EDEM3: variants seen among roughly 807,000 people sequenced by gnomAD.
The protein encoded by EDEM3 is ER degradation enhancing alpha-mannosidase like protein 3, also known as ER degradation-enhancing alpha-mannosidase-like protein 3.
In EDEM3, 60 loss-of-function variants were observed where a neutral mutation model predicts 110.2. The observed-to-expected ratio is 0.54, with a 90% CI of 0.44 to 0.67. The LOEUF (loss-of-function observed/expected upper bound fraction) is 0.67, where lower values mean the gene tolerates loss of function less well. Ranked by LOEUF, EDEM3 falls within the 30% of genes least tolerant of loss-of-function variation. EDEM3 has a pLI of 0.00. For synonymous variants in EDEM3, 352 were observed against 382.9 expected, an observed-to-expected ratio of 0.92 and a Z score of 0.94; for missense variants, 996 against 1,121.0, an observed-to-expected ratio of 0.89 and a Z score of 1.59.
At chr1:184,711,624 G>T in intron 15 of EDEM3, 99 bp downstream of exon 15, 1 of 1,126,388 alleles carries the variant, frequency 8.9e-7, no homozygotes, top group Non-Finnish European at 1.2e-6. Flanking sequence ...TTCGGCCTAT[G>T]TGAATGTCTT....
intron 2 of EDEM3, among the ~76,000 whole-genome samples, chr1:184,743,474 A>AAAAATAAAAT (rs148680939): frequency 1.3e-5 from 2 of 152,054 alleles, no homozygotes; most frequent in East Asian, 3.8e-4. Context: ...CTGAAAGAGC[A>AAAAATAAAAT]AAAATAAAAT....
intron 2 of EDEM3, among the ~76,000 whole-genome samples, chr1:184,741,933 A>C (rs1652165747): frequency 6.6e-6 from 1 of 152,172 alleles, no homozygotes; most frequent in Non-Finnish European, 1.5e-5. Flanking sequence ...AAAGTTTCTA[A>C]GACTAGAGTG....
At chr1:184,738,290 G>A (rs906436046) in intron 2 of EDEM3, among the ~76,000 whole-genome samples, 1 of 152,004 alleles carries the variant, frequency 6.6e-6, no homozygotes, top group African/African-American at 2.4e-5. Context: ...TCTAATTCAT[G>A]GATGAAAAAA....
In EDEM3 at chr1:184,694,032, T is replaced by A. The variant is rs376810714; in HGVS notation, c.*31A>T. On this transcript the variant is annotated 3_prime_UTR_variant, in exon 20 of 20. Coordinates refer to ENST00000318130, the MANE Select transcript of EDEM3 (RefSeq NM_025191.4). Reference sequence around the variant, plus strand: ...ACCACACACAGTTTACCTTTTCTTTTTAAATACCTACCAACAGATTGTTTA... The same window carrying A: ...ACCACACACAGTTTACCTTTTCTTTATAAATACCTACCAACAGATTGTTTA... The A allele has an allele frequency of 5.0e-6, 8 of 1,585,682 alleles. No homozygotes were observed. In the African/African-American group the frequency reaches 1.1e-4, roughly 22 times the overall value.
Position 184,712,520 on chromosome 1 carries a change from G to A in EDEM3, c.1449C>T (p.Asp483=), listed in dbSNP as rs142977160. 4.4e-6 allele frequency: 7 copies of A among 1,602,438 alleles called. No individual in the cohort carries two copies. In the African/African-American group the frequency reaches 8.1e-5, roughly 18 times the overall value. The change falls in exon 14 of 20, where the codon GAC becomes GAT. Residue 483 remains aspartate (D), a synonymous_variant. Coordinates refer to ENST00000318130, the MANE Select transcript of EDEM3 (RefSeq NM_025191.4). ...CTGTTGTAAAGATGTAATCTTCTATGTCAAAAATAATGTCTTCTTTATCAG... is the reference window on the plus strand; with the variant it reads ...CTGTTGTAAAGATGTAATCTTCTATATCAAAAATAATGTCTTCTTTATCAG... ...LFADKEDIIF[D]IEDYIFTTEA...
At chr1:184,745,236 G>A (rs762392173) in intron 2 of EDEM3, among the ~76,000 whole-genome samples, 3 of 152,068 alleles carry the variant, frequency 2.0e-5, no homozygotes, top group Non-Finnish European at 2.9e-5. Flanking sequence ...AGAATTTCTT[G>A]TGTAATTTTG....
intron 8 of EDEM3, among the ~76,000 whole-genome samples, chr1:184,722,697 T>C (rs1193916548): frequency 6.6e-6 from 1 of 151,830 alleles, no homozygotes; most frequent in East Asian, 1.9e-4. Context: ...ATAATTTTAA[T>C]ATGTTTGAAT....
At chr1:184,733,745 T>C (rs906544120) in intron 5 of EDEM3, among the ~76,000 whole-genome samples, 1 of 151,790 alleles carries the variant, frequency 6.6e-6, no homozygotes, top group African/African-American at 2.4e-5. Context: ...GGAGAATCAC[T>C]TGAACCAGGG....
chr1:184,711,275 T>C (rs1650215335), intron 15 of EDEM3, among the ~76,000 whole-genome samples: 1 of 152,094 alleles, frequency 6.6e-6, no homozygotes, highest in South Asian at 2.1e-4. Context: ...ATTTTTTGTA[T>C]TTTTAGTACA....
intron 19 of EDEM3, among the ~76,000 whole-genome samples, chr1:184,698,141 T>C (rs1210255055): frequency 2.6e-5 from 4 of 151,654 alleles, no homozygotes; most frequent in Non-Finnish European, 4.4e-5. Context: ...CTGACTAAAA[T>C]AGGAAGAAAC....
In EDEM3 at chr1:184,705,138, G is replaced by GA. The variant is rs551924270; in HGVS notation, c.2203+1504dup. On this transcript the variant is annotated intron_variant, in intron 18 of 19. Coordinates refer to ENST00000318130, the MANE Select transcript of EDEM3 (RefSeq NM_025191.4). ...AAGATCATGAGAATTAGACTTCACT[G>GA]AAAAATATAAAAAACCAAAATACTA... 5.9e-3 allele frequency among the ~76,000 whole-genome samples: 893 copies of GA among 152,094 alleles called. 4 individuals carry two copies. Among genetic ancestry groups the GA allele is most frequent in the Non-Finnish European group, 7.9e-3 (537 of 67,966 alleles).
chr1:184,728,912 T>A (rs1651343231), intron 6 of EDEM3, among the ~76,000 whole-genome samples: 1 of 152,182 alleles, frequency 6.6e-6, no homozygotes, highest in Admixed American at 6.5e-5. Flanking sequence ...CCAGCCAGTA[T>A]TAAAGAACTT....
intron 1 of EDEM3, among the ~76,000 whole-genome samples, chr1:184,752,075 C>T (rs915978326): frequency 2.4e-4 from 37 of 152,214 alleles, no homozygotes; most frequent in African/African-American, 8.7e-4. Flanking sequence ...TCTAAAGTTA[C>T]GTCTCCTGCC....
chr1:184,708,899 T>G (rs1650077988), intron 16 of EDEM3, among the ~76,000 whole-genome samples: 1 of 152,194 alleles, frequency 6.6e-6, no homozygotes, highest in African/African-American at 2.4e-5. Flanking sequence ...GAGGGAACAA[T>G]TGATTCTGCT....
At position 184,711,761 on chromosome 1, in the gene EDEM3, A is replaced by G; in HGVS notation, c.1653T>C (p.Asn551=). The G allele has an allele frequency of 6.2e-7, 1 of 1,613,062 alleles. No homozygotes were observed. The highest frequency in any genetic ancestry group is 8.5e-7 in the Non-Finnish European group (1 of 1,179,478). The stretch of plus-strand genomic sequence containing the variant: ...CTCTAGGACAGCTCTTATCCACCAC[A>G]TTTTTCAAGGGCTCACGAATACTTT... The part of the protein sequence containing the change: ...YAQSIREPLK[N]VVDKSCPRGI... Residue 551 remains asparagine, a synonymous_variant, in exon 15 of 20, where the codon AAT becomes AAC. Transcript: ENST00000318130.
At position 184,711,822 on chromosome 1, in the gene EDEM3, G is replaced by A; in HGVS notation, c.1592C>T (p.Thr531Ile). Reference protein sequence around the residue: ...DSNFDWTCPNTQILFPNDPLY... With the variant: ...DSNFDWTCPNIQILFPNDPLY... Reference sequence around the variant, plus strand: ...TGGGTCATTAGGAAAGAGGATCTGAGTATTTGGACAAGTCCAATCGAAGTT... The same window carrying A: ...TGGGTCATTAGGAAAGAGGATCTGAATATTTGGACAAGTCCAATCGAAGTT... The change falls in exon 15 of 20, where the codon ACT (threonine) becomes ATT (isoleucine). Residue 531 changes from threonine (T) to isoleucine (I), a missense_variant. Coordinates refer to ENST00000318130, the MANE Select transcript of EDEM3 (RefSeq NM_025191.4). The A allele has an allele frequency of 6.2e-7, 1 of 1,613,432 alleles. No homozygotes were observed.
intron 7 of EDEM3, among the ~76,000 whole-genome samples, chr1:184,725,023 C>T (rs76468548): frequency 0.037 from 5,649 of 152,216 alleles, 248 homozygotes; most frequent in Admixed American, 0.13. Context: ...TAAAAACAAA[C>T]AATTGAGCAT....
intron 2 of EDEM3, among the ~76,000 whole-genome samples, chr1:184,748,996 A>C (rs1259462504): frequency 6.6e-6 from 1 of 152,236 alleles, no homozygotes; most frequent in African/African-American, 2.4e-5. Flanking sequence ...GTTGCACAAC[A>C]GATCTCCAGA....
At position 184,701,490 on chromosome 1, in the gene EDEM3, T is replaced by C. The variant is rs1001050500; in HGVS notation, c.2389+1321A>G. 7 of 1,274,522 alleles carry C rather than the reference T, an allele frequency of 5.5e-6. No individual in the cohort carries two copies. The African/African-American group carries it at 6.1e-5, about 11-fold the overall frequency. 79.0% of individuals were successfully genotyped at this position (1,274,522 alleles called of 1,614,324 possible). On this transcript the variant is annotated intron_variant, in intron 19 of 19. Coordinates refer to ENST00000318130, the MANE Select transcript of EDEM3 (RefSeq NM_025191.4). ...TAATTTAAGGCTTGTTAATGCAAGA[T>C]ACTTACTACTATTAATAATGTAGCT...
Sources: gnomAD v4.1 joint callset for allele counts (sites outside exome capture counted in the v4.1 genomes callset) on GRCh38, gnomAD v4.1.1 for gene constraint, MANE v1.5 for transcripts, NCBI Gene and HGNC (gene_info 2026-07-23, HGNC 2026-07-21) for gene names.